SULF2: variants seen among roughly 807,000 people sequenced by gnomAD.
SULF2 encodes the protein extracellular sulfatase Sulf-2.
A neutral mutation model predicts 107.7 loss-of-function variants in SULF2; 52 were observed. That is an observed-to-expected ratio of 0.48 (90% CI 0.39 to 0.61). SULF2 has a LOEUF of 0.61. SULF2 is among the 20% of genes least tolerant of loss of function. The pLI, the probability that SULF2 is intolerant of heterozygous loss-of-function variation, is 0.00. For missense variants in SULF2, 993 were observed against 1,177.3 expected (o/e 0.84, Z 2.29); for synonymous variants, 460 against 464.3 (o/e 0.99, Z 0.12).
intron 1 of SULF2, among the ~76,000 whole-genome samples, chr20:47,770,745 C>T (rs1425067445): frequency 6.6e-6 from 1 of 152,174 alleles, no homozygotes; most frequent in Non-Finnish European, 1.5e-5. Flanking sequence ...GCAGTTGTTG[C>T]TGGCAGTCGG....
intron 4 of SULF2, among the ~76,000 whole-genome samples, chr20:47,695,603 A>G (rs1304460550): frequency 6.6e-6 from 1 of 152,168 alleles, no homozygotes; most frequent in Non-Finnish European, 1.5e-5. Flanking sequence ...GTTGCTGCAT[A>G]TGATAGGATT....
chr20:47,731,639 G>A (rs535292294), intron 3 of SULF2, among the ~76,000 whole-genome samples: 1 of 152,310 alleles, frequency 6.6e-6, no homozygotes, highest in Admixed American at 6.5e-5. Context: ...CCTTGCTCAA[G>A]CAGAACTCAC....
intron 3 of SULF2, among the ~76,000 whole-genome samples, chr20:47,712,319 G>A (rs1329237081): frequency 6.6e-6 from 1 of 152,082 alleles, no homozygotes; most frequent in Non-Finnish European, 1.5e-5. Context: ...CTACCCCACC[G>A]AGCATTGGCA....
In SULF2 at chr20:47,742,933, T is replaced by A. The variant is rs1245570154; in HGVS notation, c.176-5991A>T. Among the ~76,000 whole-genome samples, 5 of 68,806 alleles carry A rather than the reference T, an allele frequency of 7.3e-5. 1 individual carries two copies. The East Asian group carries it at 2.1e-3, about 28-fold the overall frequency. 45.1% of individuals were successfully genotyped at this position (68,806 alleles called of 152,430 possible). On this transcript the variant is annotated intron_variant, in intron 2 of 20. Coordinates refer to ENST00000688720, the MANE Select transcript of SULF2 (RefSeq NM_001387048.1). ...TTTCAGGATTCAAAACATGATTTTT[T>A]TTTTTTTTTTTTTTTTTTTTTTTTG...
At chr20:47,744,981 C>T (rs932315129) in intron 2 of SULF2, among the ~76,000 whole-genome samples, 1 of 152,054 alleles carries the variant, frequency 6.6e-6, no homozygotes. Flanking sequence ...ATATACACTT[C>T]AGTCCTAGAC....
chr20:47,686,190 T>C (rs1431199315), intron 5 of SULF2: 1 of 152,254 alleles, frequency 6.6e-6, no homozygotes, highest in Non-Finnish European at 1.5e-5. Flanking sequence ...AGAAGTCAGG[T>C]ACACTGGGTC....
At chr20:47,668,079 C>T (rs1275690747) in intron 11 of SULF2, among the ~76,000 whole-genome samples, 2 of 152,174 alleles carry the variant, frequency 1.3e-5, no homozygotes, top group African/African-American at 2.4e-5. Context: ...CACAAATTGC[C>T]GAGGATGGTC....
chr20:47,706,561 A>G (rs1381490487), intron 3 of SULF2: 1 of 152,248 alleles, frequency 6.6e-6, no homozygotes, highest in African/African-American at 2.4e-5. Context: ...GGGCCTGGTT[A>G]GGTCCATTGG....
chr20:47,681,069 G>A (rs970427236), intron 7 of SULF2, among the ~76,000 whole-genome samples: 1 of 152,188 alleles, frequency 6.6e-6, no homozygotes, highest in Non-Finnish European at 1.5e-5. Context: ...TCCTAAACAG[G>A]ATGGCTGAAA....
chr20:47,664,284 C>T, intron 14 of SULF2, 95 bp from the exon 15 acceptor site: 1 of 1,252,236 alleles, frequency 8.0e-7, no homozygotes, highest in Non-Finnish European at 1.1e-6. Flanking sequence ...CCATGTGTTG[C>T]TGCTGCCCCA....
At chr20:47,771,853 C>T (rs749879917) in intron 1 of SULF2, among the ~76,000 whole-genome samples, 46 of 152,208 alleles carry the variant, frequency 3.0e-4, no homozygotes, top group Non-Finnish European at 5.7e-4. Flanking sequence ...GCCGGAACTC[C>T]GCCTGGGATA....
At chr20:47,778,177 T>G (rs1283977527) in intron 1 of SULF2, among the ~76,000 whole-genome samples, 2 of 152,094 alleles carry the variant, frequency 1.3e-5, no homozygotes, top group East Asian at 3.9e-4. Context: ...GCTACTGGGG[T>G]GGGTCAAGTC....
chr20:47,714,562 A>G (rs912051155), intron 3 of SULF2, among the ~76,000 whole-genome samples: 2 of 151,968 alleles, frequency 1.3e-5, no homozygotes, highest in African/African-American at 2.4e-5. Context: ...TCCTGCCTCC[A>G]CCTTCAGCCC....
Position 47,684,695 on chromosome 20 carries a change from G to A in SULF2, c.738-114C>T, listed in dbSNP as rs112696815. 26 of 1,061,364 alleles carry A rather than the reference G, an allele frequency of 2.4e-5. 3 individuals carry two copies. In the African/African-American group the frequency reaches 3.1e-4, roughly 13 times the overall value. The allele number at this position is 1,061,364 out of a possible 1,614,324, so 65.7% of individuals were successfully genotyped here. On this transcript the variant is annotated intron_variant, in intron 5 of 20. Transcript: ENST00000688720. ...ACCCTGTGCTGTGTCTGCAGCCCAG[G>A]GCCAGGTGTGATCTCCTGGTGGGAA...
At chr20:47,716,625 G>C (rs2089131001) in intron 3 of SULF2, among the ~76,000 whole-genome samples, 1 of 152,174 alleles carries the variant, frequency 6.6e-6, no homozygotes, top group African/African-American at 2.4e-5. Flanking sequence ...AAGGCAGCAG[G>C]ATTCTTAAAT....
intron 17 of SULF2, among the ~76,000 whole-genome samples, 161 bp downstream of exon 17, chr20:47,662,909 C>T (rs1602578224): frequency 8.4e-6 from 1 of 118,728 alleles, no homozygotes; most frequent in African/African-American, 2.6e-5. Context: ...TGATTGAACA[C>T]AGAACCCCCA....
rs140200890 is a variant in SULF2 at position 47,678,684 on chromosome 20, C to T, written c.1185G>A (p.Pro395=). The T allele has an allele frequency of 1.2e-4, 193 of 1,613,856 alleles. 1 individual carries two copies. Among genetic ancestry groups the T allele is most frequent in the Middle Eastern group, 5.0e-4 (3 of 6,022 alleles). The change falls in exon 8 of 21, where the codon CCG becomes CCA. Residue 395 remains proline, a synonymous_variant. Coordinates refer to ENST00000688720, the MANE Select transcript of SULF2 (RefSeq NM_001387048.1). This position sits in a 1 kb window ranked among gnomAD's most constrained non-coding sequence, Gnocchi z 4.5. The part of the protein sequence containing the change: ...SILKLLDTER[P]VNRFHLKKKM... ...CCCTGCTCCGTCCTCACCGATTCACCGGCCGCTCCGTGTCCAGCAGCTTGA... is the reference window on the plus strand; with the variant it reads ...CCCTGCTCCGTCCTCACCGATTCACTGGCCGCTCCGTGTCCAGCAGCTTGA...
chr20:47,723,307 TAAG>T (rs1005708509), intron 3 of SULF2, among the ~76,000 whole-genome samples: 2 of 151,504 alleles, frequency 1.3e-5, no homozygotes, highest in African/African-American at 4.9e-5. Flanking sequence ...CGAGAAGTCC[TAAG>T]AAGAACATAA....
At chr20:47,717,118 G>A (rs1244349632) in intron 3 of SULF2, among the ~76,000 whole-genome samples, 4 of 152,182 alleles carry the variant, frequency 2.6e-5, no homozygotes, top group Non-Finnish European at 5.9e-5. Context: ...CTGTCTACCA[G>A]AAGGAAAATG....
Sources: gnomAD v4.1 joint callset for allele counts (sites outside exome capture counted in the v4.1 genomes callset) on GRCh38, gnomAD v4.1.1 for gene constraint, Gnocchi (gnomAD v3.1) non-coding constraint, MANE v1.5 for transcripts, NCBI Gene and HGNC (gene_info 2026-07-23, HGNC 2026-07-21) for gene names.